Variants in CDH20 observed in about 807,000 individuals in gnomAD.
CDH20 encodes the protein cadherin 20.
Under a neutral mutation model 74.2 loss-of-function variants are expected in CDH20, and 29 were observed. The observed-to-expected ratio is 0.39, with a 90% CI of 0.29 to 0.53. The LOEUF is 0.53. Among genes scored for constraint, CDH20 ranks in the 20% least tolerant of loss-of-function variants. The probability of loss-of-function intolerance (pLI) is 0.69; values close to 1 mark genes in which losing one functional copy is unlikely to be tolerated. For synonymous variants in CDH20, 469 were observed against 405.4 expected (o/e 1.16, Z -1.88); for missense variants, 988 against 1,048.3 (o/e 0.94, Z 0.79).
At chr18:61,493,051 A>G (rs1327741132) in intron 2 of CDH20, among the ~76,000 whole-genome samples, 1 of 152,242 alleles carries the variant, frequency 6.6e-6, no homozygotes, top group Non-Finnish European at 1.5e-5. Flanking sequence ...TAGTATTAAT[A>G]GTGGTAATAG....
intron 9 of CDH20, among the ~76,000 whole-genome samples, chr18:61,541,567 A>G (rs112103530): frequency 0.026 from 3,923 of 152,324 alleles, 80 homozygotes; most frequent in South Asian, 0.038. Context: ...TGAAGTACAG[A>G]TCTTTCACTT....
chr18:61,336,819 G>GC (rs1022255089), intron 1 of CDH20, among the ~76,000 whole-genome samples: 8 of 150,736 alleles, frequency 5.3e-5, no homozygotes, highest in Non-Finnish European at 1.2e-4. Flanking sequence ...AGAATATATG[G>GC]GGGGGGGTGA....
chr18:61,448,477 G>C (rs988018455), intron 1 of CDH20, among the ~76,000 whole-genome samples: 1 of 152,178 alleles, frequency 6.6e-6, no homozygotes, highest in Non-Finnish European at 1.5e-5. Context: ...ATGAATAAGA[G>C]GTGAGGAAGT....
At chr18:61,524,347 T>C (rs1005547477) in intron 6 of CDH20, among the ~76,000 whole-genome samples, 2 of 152,172 alleles carry the variant, frequency 1.3e-5, no homozygotes, top group African/African-American at 4.8e-5. Context: ...ATACTCCTGG[T>C]GGGAATACAA....
chr18:61,406,093 T>C (rs1912321106), intron 1 of CDH20, among the ~76,000 whole-genome samples: 1 of 152,126 alleles, frequency 6.6e-6, no homozygotes, highest in Non-Finnish European at 1.5e-5. Flanking sequence ...TATCCAGAAT[T>C]AACATGAAAG....
In CDH20 at chr18:61,495,012, G is replaced by T. The variant is rs189487733; in HGVS notation, c.247-4174G>T. On this transcript the variant is annotated intron_variant, in intron 2 of 11. Coordinates refer to ENST00000262717, the MANE Select transcript of CDH20 (RefSeq NM_031891.4). Reference sequence around the variant, plus strand: ...CTTCCCATCACTCACTACTCCCTTGGCTGAAGATCTTAAAAACTAAAGAAT... The same window carrying T: ...CTTCCCATCACTCACTACTCCCTTGTCTGAAGATCTTAAAAACTAAAGAAT... 1.6e-3 allele frequency among the ~76,000 whole-genome samples: 248 copies of T among 152,198 alleles called. 1 individual carries two copies. Among genetic ancestry groups the T allele is most frequent in the Non-Finnish European group, 7.4e-4 (50 of 68,012 alleles).
chr18:61,467,993 G>C (rs74643416), intron 1 of CDH20, among the ~76,000 whole-genome samples: 1,920 of 152,070 alleles, frequency 0.013, 15 homozygotes, highest in Middle Eastern at 0.031. Flanking sequence ...GTGTGGACTC[G>C]GATGCACAAA....
chr18:61,372,007 A>G (rs1174828381), intron 1 of CDH20, among the ~76,000 whole-genome samples: 2 of 152,140 alleles, frequency 1.3e-5, no homozygotes, highest in African/African-American at 4.8e-5. Flanking sequence ...TGCAAGTTGA[A>G]GAAACTATCA....
chr18:61,533,566 C>T (rs1912722505), intron 7 of CDH20, among the ~76,000 whole-genome samples: 1 of 152,130 alleles, frequency 6.6e-6, no homozygotes, highest in African/African-American at 2.4e-5. Context: ...TATTTTCTCC[C>T]AATCTGTGGG....
At chr18:61,406,421 T>C (rs185189529) in intron 1 of CDH20, among the ~76,000 whole-genome samples, 3 of 152,350 alleles carry the variant, frequency 2.0e-5, no homozygotes, top group African/African-American at 7.2e-5. Context: ...CAGGCACTGT[T>C]CTAGGTATGA....
chr18:61,399,697 T>G (rs1414690271), intron 1 of CDH20, among the ~76,000 whole-genome samples: 2 of 152,190 alleles, frequency 1.3e-5, no homozygotes, highest in Non-Finnish European at 2.9e-5. Flanking sequence ...TATATTGGAA[T>G]GGAAAAAATT....
At chr18:61,423,582 T>A (rs190831913) in intron 1 of CDH20, among the ~76,000 whole-genome samples, 105 of 152,276 alleles carry the variant, frequency 6.9e-4, no homozygotes, top group Middle Eastern at 6.8e-3. Context: ...TTCTTTTTTT[T>A]TTCTTTTTAA....
chr18:61,423,729 G>T (rs1912972291), intron 1 of CDH20, among the ~76,000 whole-genome samples: 1 of 151,992 alleles, frequency 6.6e-6, no homozygotes, highest in African/African-American at 2.4e-5. Flanking sequence ...AAAGCTTTTT[G>T]AACTCATTCT....
chr18:61,538,602 G>A (rs7238657), intron 8 of CDH20, among the ~76,000 whole-genome samples: 1 of 50,450 alleles, frequency 2.0e-5, no homozygotes, highest in Non-Finnish European at 3.8e-5. Context: ...GTTTGTTTTT[G>A]TTTTTGTTTT....
chr18:61,356,771 A>T (rs1046596359), intron 1 of CDH20, among the ~76,000 whole-genome samples: 1 of 152,212 alleles, frequency 6.6e-6, no homozygotes, highest in African/African-American at 2.4e-5. Context: ...AGGGGAAAAA[A>T]TAAGGTAGAG....
At chr18:61,467,791 A>C (rs929601222) in intron 1 of CDH20, among the ~76,000 whole-genome samples, 4 of 152,170 alleles carry the variant, frequency 2.6e-5, no homozygotes, top group Admixed American at 6.5e-5. Flanking sequence ...AGAAATATTA[A>C]ATCATTTGCC....
chr18:61,468,332 T>C (rs1042357460), intron 1 of CDH20, among the ~76,000 whole-genome samples: 28 of 152,146 alleles, frequency 1.8e-4, no homozygotes, highest in Non-Finnish European at 2.6e-4. Flanking sequence ...TATTTTTCTT[T>C]ATGGCCCCAA....
At chr18:61,495,303 A>G (rs575571751) in intron 2 of CDH20, among the ~76,000 whole-genome samples, 4 of 152,334 alleles carry the variant, frequency 2.6e-5, no homozygotes, top group Non-Finnish European at 4.4e-5. Context: ...TTTTGAAACC[A>G]AATGTGTATT....
intron 1 of CDH20, among the ~76,000 whole-genome samples, chr18:61,375,564 G>A (rs548442930): frequency 1.9e-4 from 29 of 152,212 alleles, no homozygotes; most frequent in African/African-American, 6.5e-4. Context: ...CAAGGAAGCC[G>A]TTTCATTCTT....
Sources: gnomAD v4.1 joint callset for allele counts (sites outside exome capture counted in the v4.1 genomes callset) on GRCh38, gnomAD v4.1.1 for gene constraint, MANE v1.5 for transcripts, NCBI Gene and HGNC (gene_info 2026-07-23, HGNC 2026-07-21) for gene names.